Variants in GAS7 observed in about 807,000 individuals in gnomAD.
GAS7 encodes the protein growth arrest specific 7.
In GAS7, 28 loss-of-function variants were observed where a neutral mutation model predicts 71.1. That is an observed-to-expected ratio of 0.39 (90% CI 0.29 to 0.54). GAS7 has a LOEUF of 0.54. GAS7 is among the 20% of genes least tolerant of loss of function. The pLI is 0.62. For synonymous variants in GAS7, 258 were observed against 245.8 expected (o/e 1.05, Z -0.46); for missense variants, 436 against 627.8 (o/e 0.69, Z 3.27).
chr17:10,075,382 A>G (rs1209993722), intron 1 of GAS7, among the ~76,000 whole-genome samples: 3 of 152,006 alleles, frequency 2.0e-5, no homozygotes, highest in African/African-American at 7.3e-5. Flanking sequence ...AAAGGAAATT[A>G]AAATAAACTT....
chr17:10,010,651 A>T (rs1193673480), intron 2 of GAS7, among the ~76,000 whole-genome samples: 3 of 152,196 alleles, frequency 2.0e-5, no homozygotes, highest in Non-Finnish European at 4.4e-5. Flanking sequence ...TAAACTACTG[A>T]ATACTATAGC....
intron 1 of GAS7, chr17:10,036,464 C>A: frequency 1.2e-6 from 2 of 1,613,620 alleles, no homozygotes; most frequent in Non-Finnish European, 1.7e-6. Context: ...TCTCTGGGGG[C>A]TGCTACCTCA....
At chr17:10,005,110 TGC>T (rs1567879472) in intron 2 of GAS7, among the ~76,000 whole-genome samples, 1 of 151,768 alleles carries the variant, frequency 6.6e-6, no homozygotes, top group Non-Finnish European at 1.5e-5. Flanking sequence ...TGCATGTGTG[TGC>T]GTGTGCACGC....
intron 9 of GAS7, among the ~76,000 whole-genome samples, chr17:9,928,976 T>C (rs1480832531): frequency 6.6e-6 from 1 of 152,228 alleles, no homozygotes; most frequent in African/African-American, 2.4e-5. Flanking sequence ...CTCGTGTTAG[T>C]TGTAAATATG....
At chr17:9,934,285 GC>G (rs1451010285) in intron 8 of GAS7, 41 bp from the exon 9 acceptor site, 1 of 1,405,480 alleles carries the variant, frequency 7.1e-7, no homozygotes, top group Admixed American at 1.8e-5. Flanking sequence ...ACAAGCCAAA[GC>G]CCTTCCTGAG....
chr17:10,192,143 A>G (rs1379146982), intron 1 of GAS7, among the ~76,000 whole-genome samples: 1 of 152,230 alleles, frequency 6.6e-6, no homozygotes, highest in African/African-American at 2.4e-5. Flanking sequence ...CAACGTCACA[A>G]CATGTTCTGG....
intron 1 of GAS7, among the ~76,000 whole-genome samples, chr17:10,169,320 T>G (rs578143596): frequency 6.6e-6 from 1 of 152,116 alleles, no homozygotes; most frequent in Non-Finnish European, 1.5e-5. Context: ...CTCAGCACAA[T>G]GTAAAACCTT....
intron 1 of GAS7, among the ~76,000 whole-genome samples, chr17:10,054,588 TG>T (rs1284664368): frequency 6.6e-6 from 1 of 152,190 alleles, no homozygotes; most frequent in Non-Finnish European, 1.5e-5. Context: ...CGGCTACCAG[TG>T]TGCAACCCCT....
At chr17:9,975,082 C>T (rs371025092) in intron 3 of GAS7, among the ~76,000 whole-genome samples, 37 of 152,282 alleles carry the variant, frequency 2.4e-4, no homozygotes, top group South Asian at 2.1e-4. Context: ...TGACTGGGAG[C>T]GGTGGCTCAC....
intron 2 of GAS7, among the ~76,000 whole-genome samples, chr17:10,012,676 G>A (rs1343806628): frequency 6.6e-6 from 1 of 152,160 alleles, no homozygotes; most frequent in Non-Finnish European, 1.5e-5. Flanking sequence ...TCCCTGTCGT[G>A]GTCTGAATGT....
chr17:10,162,129 C>T (rs1428177337), intron 1 of GAS7, among the ~76,000 whole-genome samples: 1 of 151,732 alleles, frequency 6.6e-6, no homozygotes, highest in Non-Finnish European at 1.5e-5. Flanking sequence ...CCGAAGGCTC[C>T]CAGTCTGAAG....
intron 1 of GAS7, among the ~76,000 whole-genome samples, chr17:10,085,319 C>A (rs896523938): frequency 5.9e-5 from 9 of 152,134 alleles, no homozygotes; most frequent in Admixed American, 2.6e-4. Flanking sequence ...GTGTCAGCCA[C>A]GAAGCCAACT....
intron 4 of GAS7, among the ~76,000 whole-genome samples, chr17:9,963,925 A>G (rs1427038384): frequency 6.6e-6 from 1 of 151,696 alleles, no homozygotes; most frequent in Non-Finnish European, 1.5e-5. Context: ...GTTTAAAATA[A>G]TCTAGGGGGT....
intron 1 of GAS7, among the ~76,000 whole-genome samples, chr17:10,130,432 A>T (rs1400038603): frequency 2.6e-5 from 4 of 152,116 alleles, no homozygotes; most frequent in Admixed American, 2.6e-4. Flanking sequence ...CTTGGAAAAC[A>T]GCCTGGCCAT....
chr17:10,196,266 T>C (rs2074539706), intron 1 of GAS7, among the ~76,000 whole-genome samples: 2 of 152,144 alleles, frequency 1.3e-5, no homozygotes, highest in South Asian at 4.1e-4. Context: ...ACGCAAGCAT[T>C]ACTAGTTGGG....
intron 2 of GAS7, among the ~76,000 whole-genome samples, chr17:10,010,338 G>A (rs563788959): frequency 6.6e-6 from 1 of 151,984 alleles, no homozygotes; most frequent in Non-Finnish European, 1.5e-5. Context: ...TTTTTTAGTA[G>A]AGACAGGGTT....
chr17:10,044,781 G>A (rs539261596), intron 1 of GAS7, among the ~76,000 whole-genome samples: 59 of 152,256 alleles, frequency 3.9e-4, no homozygotes, highest in African/African-American at 8.9e-4. Flanking sequence ...CCGGCCAGGC[G>A]CGGTGGCTCA....
chr17:9,915,790 A>G lies in GAS7; in HGVS notation c.*1438T>C. On this transcript the variant is annotated 3_prime_UTR_variant, in exon 14 of 14. Coordinates refer to ENST00000432992, the MANE Select transcript of GAS7 (RefSeq NM_201433.2). ...ATTTCCAGGGCATGGGCTCCCGACT[A>G]GAATCTGCCCCTCGCTCATGCTTCT... 1 of 231,340 alleles carries G rather than the reference A, an allele frequency of 4.3e-6. No individual in the cohort carries two copies. The highest frequency in any genetic ancestry group is 6.1e-5 in the East Asian group (1 of 16,332). 14.3% of individuals were successfully genotyped at this position (231,340 alleles called of 1,614,324 possible). A position where few individuals can be genotyped will look rare whatever the true frequency, so the allele number is the denominator to read the frequency against.
intron 1 of GAS7, among the ~76,000 whole-genome samples, chr17:10,179,449 C>T (rs539043927): frequency 4.6e-5 from 7 of 151,562 alleles, no homozygotes; most frequent in South Asian, 2.1e-4. Context: ...CAGAAAACTC[C>T]GTGTTTCCAA....
Sources: gnomAD v4.1 joint callset for allele counts (sites outside exome capture counted in the v4.1 genomes callset) on GRCh38, gnomAD v4.1.1 for gene constraint, MANE v1.5 for transcripts, NCBI Gene and HGNC (gene_info 2026-07-23, HGNC 2026-07-21) for gene names.